The following CHST10 variants were observed in gnomAD, a reference collection of about 807,000 sequenced individuals.
CHST10 encodes the protein carbohydrate sulfotransferase 10.
In CHST10, 24 loss-of-function variants were observed where a neutral mutation model predicts 34.7. The ratio of observed to expected loss-of-function variants is 0.69; its 90% CI spans 0.50 to 0.97. The LOEUF (loss-of-function observed/expected upper bound fraction) is 0.97. CHST10 is among the 50% of genes least tolerant of loss of function. The pLI, the probability that CHST10 is intolerant of heterozygous loss-of-function variation, is 0.00. For missense variants in CHST10, 402 were observed against 452.1 expected, an observed-to-expected ratio of 0.89 and a Z score of 1.00; for synonymous variants, 161 against 169.3, an observed-to-expected ratio of 0.95 and a Z score of 0.38.
chr2:100,409,800 A>G (rs1009052520), intron 2 of CHST10, among the ~76,000 whole-genome samples: 1 of 152,212 alleles, frequency 6.6e-6, no homozygotes, highest in Non-Finnish European at 1.5e-5. Flanking sequence ...GTTCTTTCAC[A>G]TGGGTATTTC....
chr2:100,402,652 T>C lies in CHST10; in HGVS notation c.104A>G (p.Tyr35Cys). ...GAACAGAAACTCCTGTTTGGCACTG[T>C]ACACTGGAAGACAGAGAGGTTGAAT... ...ITLTFKDPDVYSAKQEFLFLT... is the reference protein window; with the variant it reads ...ITLTFKDPDVCSAKQEFLFLT... Residue 35 changes from tyrosine (Y) to cysteine (C), a missense_variant, in exon 4 of 7, where the codon TAC becomes TGC. By Grantham distance (194) the Tyr-to-Cys change is radical (BLOSUM62 -2). Coordinates refer to ENST00000264249, the MANE Select transcript of CHST10 (RefSeq NM_004854.5). 1 of 1,613,718 alleles carries C rather than the reference T, an allele frequency of 6.2e-7. No individual in the cohort carries two copies. Among genetic ancestry groups the C allele is most frequent in the Non-Finnish European group, 8.5e-7 (1 of 1,179,722 alleles).
At chr2:100,414,905 T>A (rs1676003412) in intron 2 of CHST10, 136 bp downstream of exon 2, 1 of 442,262 alleles carries the variant, frequency 2.3e-6, no homozygotes, top group African/African-American at 2.1e-5. Context: ...TTATTATATT[T>A]AAGGAAACGT....
intron 1 of CHST10, chr2:100,416,980 C>G: frequency 7.7e-7 from 1 of 1,304,228 alleles, no homozygotes; most frequent in Non-Finnish European, 1.0e-6. Flanking sequence ...CCCCTGACTC[C>G]CCTCGCACCG....
At chr2:100,417,130 C>A in intron 1 of CHST10, 2 of 1,121,516 alleles carry the variant, frequency 1.8e-6, no homozygotes, top group East Asian at 1.2e-4. Flanking sequence ...TAGGCTCGCA[C>A]AATATCAATA....
intron 2 of CHST10, among the ~76,000 whole-genome samples, chr2:100,412,409 G>C (rs1474225594): frequency 1.3e-5 from 2 of 152,170 alleles, no homozygotes; most frequent in African/African-American, 4.8e-5. Flanking sequence ...ACATCTACCT[G>C]AAGGTGTCTG....
At position 100,392,135 on chromosome 2, in the gene CHST10, G is replaced by A. The variant is rs1301078885; in HGVS notation, c.*1110C>T. The A allele has an allele frequency of 6.5e-6, 1 of 152,774 alleles. No homozygotes were observed. The highest frequency in any genetic ancestry group is 2.4e-5 in the African/African-American group (1 of 41,466). The allele number at this position is 152,774 out of a possible 1,614,324, so 9.5% of individuals were successfully genotyped here. A position where few individuals can be genotyped will look rare whatever the true frequency, so the allele number is the denominator to read the frequency against. On this transcript the variant is annotated 3_prime_UTR_variant, in exon 7 of 7. Coordinates refer to ENST00000264249, the MANE Select transcript of CHST10 (RefSeq NM_004854.5). ...AAGCCGCACTGCTGGAGGCTACCTGGGCGCTGGGTTTTATTGCTGGTGAAC... is the reference window on the plus strand; with the variant it reads ...AAGCCGCACTGCTGGAGGCTACCTGAGCGCTGGGTTTTATTGCTGGTGAAC...
rs1230142913 is a variant in CHST10, at chr2:100,392,288, G to C, written c.*957C>G. 6.6e-6 allele frequency: 1 copy of C among 152,606 alleles called. No homozygotes were observed. Among genetic ancestry groups the C allele is most frequent in the African/African-American group, 2.4e-5 (1 of 41,448 alleles). The allele number at this position is 152,606 out of a possible 1,614,324, so 9.5% of individuals were successfully genotyped here. A position where few individuals can be genotyped will look rare whatever the true frequency, so the allele number is the denominator to read the frequency against. On this transcript the variant is annotated 3_prime_UTR_variant, in exon 7 of 7. Coordinates refer to ENST00000264249, the MANE Select transcript of CHST10 (RefSeq NM_004854.5). ...AACTACACTGAATTCTGTGATGCTG[G>C]CAGGTTGCCCCTGCTCGTCTTCAGC...
chr2:100,416,460 A>T (rs1033265647), intron 1 of CHST10: 1 of 153,780 alleles, frequency 6.5e-6, no homozygotes, highest in African/African-American at 2.4e-5. Flanking sequence ...TAAGCTCTTA[A>T]TTATAATGGG....
At chr2:100,404,726 C>G (rs950710860) in intron 3 of CHST10, among the ~76,000 whole-genome samples, 1 of 152,228 alleles carries the variant, frequency 6.6e-6, no homozygotes, top group East Asian at 1.9e-4. Context: ...AACAGTAAAA[C>G]ACAAAGGCAC....
intron 4 of CHST10, among the ~76,000 whole-genome samples, chr2:100,400,932 C>T (rs557020237): frequency 2.6e-5 from 4 of 152,014 alleles, no homozygotes; most frequent in Admixed American, 6.5e-5. Context: ...CTGCCCGCCT[C>T]GGCCTCCCAA....
At position 100,398,020 on chromosome 2, in the gene CHST10, G is replaced by C; in HGVS notation, c.315C>G (p.Val105=). ...DALKNLSHTP[V]SKFVLDRIFV... ...ATATTCGGTCCAGGACAAACTTGGAGACAGGAGTGTGCGAGAGATTCTTCA... is the reference window on the plus strand; with the variant it reads ...ATATTCGGTCCAGGACAAACTTGGACACAGGAGTGTGCGAGAGATTCTTCA... The change falls in exon 5 of 7, where the codon GTC becomes GTG. Residue 105 remains valine, a synonymous_variant. Coordinates refer to ENST00000264249, the MANE Select transcript of CHST10 (RefSeq NM_004854.5). The C allele has an allele frequency of 5.6e-6, 9 of 1,614,208 alleles. No individual in the cohort carries two copies. The highest frequency in any genetic ancestry group is 5.1e-6 in the Non-Finnish European group (6 of 1,180,024).
At chr2:100,398,644 C>T (rs1198839650) in intron 4 of CHST10, among the ~76,000 whole-genome samples, 6 of 152,148 alleles carry the variant, frequency 3.9e-5, no homozygotes, top group African/African-American at 1.4e-4. Context: ...GTGGAGGTTG[C>T]AGTGAGCCTA....
At position 100,406,265 on chromosome 2, in the gene CHST10, CAAGGCAT is replaced by C. The variant is rs759179633; in HGVS notation, c.100+304_100+310del. ...TGCGAGCCTGAGAGGCGCCCTGCTG[CAAGGCAT>C]AAGGCCACTGTGCTGCTGGGAGGAG... On this transcript the variant is annotated intron_variant, in intron 3 of 6. Coordinates refer to ENST00000264249, the MANE Select transcript of CHST10 (RefSeq NM_004854.5). Among the ~76,000 whole-genome samples the C allele has an allele frequency of 2.9e-3, 443 of 152,320 alleles. 1 individual carries two copies. Among genetic ancestry groups the C allele is most frequent in the Non-Finnish European group, 3.5e-3 (240 of 68,022 alleles).
At chr2:100,399,183 A>G (rs1675219343) in intron 4 of CHST10, among the ~76,000 whole-genome samples, 1 of 151,570 alleles carries the variant, frequency 6.6e-6, no homozygotes, top group South Asian at 2.1e-4. Flanking sequence ...AGCTCACTGC[A>G]AGCTCCGCCT....
intron 4 of CHST10, among the ~76,000 whole-genome samples, chr2:100,401,200 C>G (rs1467981482): frequency 6.6e-6 from 1 of 152,154 alleles, no homozygotes; most frequent in African/African-American, 2.4e-5. Context: ...GAGTTCAAAG[C>G]CCAGGCCCAC....
chr2:100,411,102 A>C (rs888076795), intron 2 of CHST10, among the ~76,000 whole-genome samples: 1 of 151,368 alleles, frequency 6.6e-6, no homozygotes, highest in Non-Finnish European at 1.5e-5. Context: ...AAATATTTGT[A>C]ATAAGCATTT....
intron 4 of CHST10, among the ~76,000 whole-genome samples, chr2:100,400,412 G>C (rs1211692591): frequency 6.6e-6 from 1 of 151,984 alleles, no homozygotes; most frequent in Non-Finnish European, 1.5e-5. Context: ...CCTGATTTTT[G>C]TATTTTGTGT....
At chr2:100,399,174 G>A (rs1675219038) in intron 4 of CHST10, among the ~76,000 whole-genome samples, 2 of 151,040 alleles carry the variant, frequency 1.3e-5, no homozygotes, top group South Asian at 4.2e-4. Context: ...CACGATCTCA[G>A]CTCACTGCAA....
chr2:100,401,104 C>G (rs991495931), intron 4 of CHST10, among the ~76,000 whole-genome samples: 1 of 152,210 alleles, frequency 6.6e-6, no homozygotes, highest in African/African-American at 2.4e-5. Flanking sequence ...GACATCACCT[C>G]TGACATCCCC....
Sources: gnomAD v4.1 joint callset for allele counts (sites outside exome capture counted in the v4.1 genomes callset) on GRCh38, gnomAD v4.1.1 for gene constraint, MANE v1.5 for transcripts, NCBI Gene and HGNC (gene_info 2026-07-23, HGNC 2026-07-21) for gene names.